The following FREM1 variants were observed in gnomAD, a reference collection of about 807,000 sequenced individuals.
FREM1 encodes FRAS1-related extracellular matrix protein 1.
Under a neutral mutation model 210.1 loss-of-function variants are expected in FREM1, and 220 were observed. That is an observed-to-expected ratio of 1.05 (90% CI 0.94 to 1.17). The LOEUF (loss-of-function observed/expected upper bound fraction) is 1.17. FREM1 is among the 50% of genes most tolerant of loss of function. FREM1 has a pLI of 0.00. For synonymous variants in FREM1, 1,189 were observed against 980.2 expected (o/e 1.21, Z -3.98); for missense variants, 3,454 against 2,675.5 (o/e 1.29, Z -6.42).
At chr9:14,893,505 C>T (rs1837222913) in intron 1 of FREM1, among the ~76,000 whole-genome samples, 1 of 152,126 alleles carries the variant, frequency 6.6e-6, no homozygotes, top group African/African-American at 2.4e-5. Flanking sequence ...ATTCCTGGAT[C>T]AGGAAATGAG....
chr9:14,737,858 T>C (rs771877234), intron 36 of FREM1, among the ~76,000 whole-genome samples: 8 of 152,188 alleles, frequency 5.3e-5, no homozygotes, highest in Non-Finnish European at 1.0e-4. Context: ...ATCTAAGGAA[T>C]GGGCATAAAA....
At chr9:14,748,860 C>A (rs1032716692) in intron 30 of FREM1, among the ~76,000 whole-genome samples, 1 of 152,134 alleles carries the variant, frequency 6.6e-6, no homozygotes, top group Non-Finnish European at 1.5e-5. Flanking sequence ...ATTATAAAGT[C>A]ATGAAATCAA....
intron 1 of FREM1, among the ~76,000 whole-genome samples, chr9:14,902,840 A>G (rs1839026135): frequency 6.6e-6 from 1 of 152,318 alleles, no homozygotes; most frequent in South Asian, 2.1e-4. Context: ...ATGTGGCTAC[A>G]TATTTTATTT....
chr9:14,899,199 A>G (rs1215318448), intron 1 of FREM1, among the ~76,000 whole-genome samples: 1 of 152,144 alleles, frequency 6.6e-6, no homozygotes, highest in Non-Finnish European at 1.5e-5. Context: ...ACAGCTACTC[A>G]AGGGCCACCC....
chr9:14,814,473 T>C (rs917604785), intron 15 of FREM1, among the ~76,000 whole-genome samples: 7 of 152,218 alleles, frequency 4.6e-5, no homozygotes, highest in African/African-American at 1.7e-4. Context: ...TTAAACAGGC[T>C]AAAACTCTAA....
At chr9:14,886,692 T>TA (rs1835876116) in intron 1 of FREM1, among the ~76,000 whole-genome samples, 1 of 151,644 alleles carries the variant, frequency 6.6e-6, no homozygotes, top group Non-Finnish European at 1.5e-5. Flanking sequence ...GCCCAGGAGG[T>TA]CAAGACCAGC....
At position 14,842,444 on chromosome 9, in the gene FREM1, G is replaced by A. The variant is rs771133139; in HGVS notation, c.1610C>T (p.Thr537Ile). 1.9e-6 allele frequency: 3 copies of A among 1,613,966 alleles called. No homozygotes were observed. Among genetic ancestry groups the A allele is most frequent in the Non-Finnish European group, 2.5e-6 (3 of 1,179,832 alleles). Reference protein sequence around the residue: ...NVVIELEEGQTILIQGSMLRA... With the variant: ...NVVIELEEGQIILIQGSMLRA... ...CAGCATGGATCCCTGGATCAGGATG[G>A]TCTGCCCCTCCTCCAGTTCAATCAC... The change falls in exon 9 of 37, where the codon ACC becomes ATC. Residue 537 changes from threonine (T) to isoleucine (I), a missense_variant. Physicochemically the swap from Thr to Ile is moderately conservative, Grantham distance 89. Coordinates refer to ENST00000380880, the MANE Select transcript of FREM1 (RefSeq NM_001379081.2).
chr9:14,754,647 G>T (rs1843966017), intron 29 of FREM1, among the ~76,000 whole-genome samples: 2 of 152,038 alleles, frequency 1.3e-5, no homozygotes, highest in South Asian at 4.2e-4. Context: ...TAAAAAGGGG[G>T]ACTTGGCTGG....
intron 18 of FREM1, 63 bp downstream of exon 18, chr9:14,806,598 T>C: frequency 1.0e-6 from 1 of 969,138 alleles, no homozygotes; most frequent in South Asian, 1.4e-5. Context: ...AAGCATGACC[T>C]GGCCAATCGC....
In FREM1 at chr9:14,806,726, A is replaced by G; in HGVS notation, c.3209T>C (p.Phe1070Ser). 6.2e-7 allele frequency: 1 copy of G among 1,604,906 alleles called. No individual in the cohort carries two copies. Among genetic ancestry groups the G allele is most frequent in the Non-Finnish European group, 8.5e-7 (1 of 1,175,632 alleles). ...LEFVLVSPPQ[F>S]GYLENILPSV... is the part of the protein sequence containing the mutation. ...AGGGAGTATATTTTCGAGGTAGCCA[A>G]ACTGAGGAGGAGAAACCAAAACAAA... Residue 1070 changes from phenylalanine (F) to serine (S), a missense_variant, in exon 18 of 37, where the codon TTT becomes TCT. By Grantham distance (155) the Phe-to-Ser change is radical. Coordinates refer to ENST00000380880, the MANE Select transcript of FREM1 (RefSeq NM_001379081.2).
rs1841274943 is a variant in FREM1 at position 14,740,144 on chromosome 9, C to T, written c.6340+5G>A. ...CTCAGTGCAGCCTCCCTCCCAGATA[C>T]TTGCCTATCCAAAAGGACTTTCTCC... On this transcript the variant is annotated splice_donor_5th_base_variant and intron_variant, in intron 36 of 36. Transcript: ENST00000380880. The T allele has an allele frequency of 3.1e-6, 5 of 1,605,656 alleles. No homozygotes were observed. The African/African-American group carries it at 4.0e-5, about 13-fold the overall frequency.
chr9:14,822,452 G>A (rs532268365), intron 13 of FREM1, among the ~76,000 whole-genome samples: 1 of 152,202 alleles, frequency 6.6e-6, no homozygotes, highest in East Asian at 1.9e-4. Flanking sequence ...GGCATGTGTA[G>A]GCTCTGGTCC....
chr9:14,794,129 A>G (rs1851911276), intron 21 of FREM1, among the ~76,000 whole-genome samples: 1 of 152,230 alleles, frequency 6.6e-6, no homozygotes, highest in Admixed American at 6.5e-5. Flanking sequence ...AAGACAGGAC[A>G]AGGTGTGTCA....
chr9:14,746,586 G>C lies in FREM1; in HGVS notation c.6139-118C>G, dbSNP rs1019690138. The C allele has an allele frequency of 1.8e-5, 14 of 761,610 alleles. No individual in the cohort carries two copies. In the Admixed American group the frequency reaches 2.3e-4, roughly 12 times the overall value. The allele number at this position is 761,610 out of a possible 1,614,324, so 47.2% of individuals were successfully genotyped here. The stretch of plus-strand genomic sequence containing the variant: ...TCAAGTAGTTTGGTTACCACAAAGG[G>C]AGTCAGCCCTAATCCCAATTCTCCA... On this transcript the variant is annotated intron_variant, in intron 34 of 36. Transcript: ENST00000380880.
chr9:14,784,498 T>A lies in FREM1; in HGVS notation c.4314A>T (p.Arg1438=). Residue 1438 remains arginine, a synonymous_variant, in exon 24 of 37, where the codon CGA becomes CGT. Coordinates refer to ENST00000380880, the MANE Select transcript of FREM1 (RefSeq NM_001379081.2). Reference sequence around the variant, plus strand: ...AGTGAACATATTCGATCTGGCCATATCGCGGAGGGGAGGTGATGACATAGA... The same window carrying A: ...AGTGAACATATTCGATCTGGCCATAACGCGGAGGGGAGGTGATGACATAGA... ...ELLYVITSPP[R]YGQIEYVHYP... The A allele has an allele frequency of 1.2e-6, 2 of 1,613,862 alleles. No homozygotes were observed. Among genetic ancestry groups the A allele is most frequent in the Non-Finnish European group, 1.7e-6 (2 of 1,179,836 alleles).
At chr9:14,766,976 G>A (rs1377226915) in intron 27 of FREM1, among the ~76,000 whole-genome samples, 6 of 152,178 alleles carry the variant, frequency 3.9e-5, no homozygotes, top group Admixed American at 3.9e-4. Context: ...AACTACAACA[G>A]TAATCACCAC....
At chr9:14,763,915 A>G (rs572667797) in intron 27 of FREM1, among the ~76,000 whole-genome samples, 3 of 152,344 alleles carry the variant, frequency 2.0e-5, no homozygotes, top group African/African-American at 7.2e-5. Flanking sequence ...TGTTAACTGA[A>G]TGAATGAATC....
At chr9:14,777,380 CAA>C (rs1848791170) in intron 24 of FREM1, among the ~76,000 whole-genome samples, 1 of 148,200 alleles carries the variant, frequency 6.7e-6, no homozygotes, top group South Asian at 2.2e-4. Flanking sequence ...ATTAAAACTC[CAA>C]AAAGTTAGGA....
chr9:14,776,540 T>G (rs1442562069), intron 24 of FREM1, among the ~76,000 whole-genome samples: 1 of 152,212 alleles, frequency 6.6e-6, no homozygotes, highest in Non-Finnish European at 1.5e-5. Flanking sequence ...CCAATGAGAC[T>G]CATCATACAA....
Sources: gnomAD v4.1 joint callset for allele counts (sites outside exome capture counted in the v4.1 genomes callset) on GRCh38, gnomAD v4.1.1 for gene constraint, MANE v1.5 for transcripts, NCBI Gene and HGNC (gene_info 2026-07-23, HGNC 2026-07-21) for gene names.